Variants in LDAH observed in about 807,000 individuals in gnomAD.
LDAH encodes lipid droplet associated hydrolase, also known as lipid droplet-associated hydrolase.
Under a neutral mutation model 29.6 loss-of-function variants are expected in LDAH, and 26 were observed. The ratio of observed to expected loss-of-function variants is 0.88; its 90% CI spans 0.64 to 1.22. LDAH has a LOEUF of 1.22. Among genes scored for constraint, LDAH ranks in the 50% most tolerant of loss-of-function variants. LDAH has a pLI of 0.00. For missense variants in LDAH, 344 were observed against 387.3 expected, an observed-to-expected ratio of 0.89 and a Z score of 0.94; for synonymous variants, 117 against 133.0, an observed-to-expected ratio of 0.88 and a Z score of 0.83.
chr2:20,704,434 G>C (rs915488290), intron 5 of LDAH, among the ~76,000 whole-genome samples: 1 of 152,096 alleles, frequency 6.6e-6, no homozygotes, highest in African/African-American at 2.4e-5. Context: ...ACAGAGATTT[G>C]ATTAATACAT....
In LDAH at chr2:20,704,506, T is replaced by G. The variant is rs185424190; in HGVS notation, c.704-2854A>C. ...ATTAAAAATTATCCTGCAGAATATA[T>G]AATGTCAAATACATATTTAAAAATA... On this transcript the variant is annotated intron_variant, in intron 5 of 6. Coordinates refer to ENST00000237822, the MANE Select transcript of LDAH (RefSeq NM_021925.4). 2.6e-5 allele frequency among the ~76,000 whole-genome samples: 4 copies of G among 152,210 alleles called. No individual in the cohort carries two copies. In the South Asian group the frequency reaches 8.3e-4, roughly 32 times the overall value.
rs144380310 is a variant in LDAH at position 20,727,833 on chromosome 2, C to T, written c.703+12138G>A. On this transcript the variant is annotated intron_variant, in intron 5 of 6. Transcript: ENST00000237822. ...TCTTTAAAAATAACATTTAAAATAACCTAGTTAACAAAATGACATTGATGA... is the reference window on the plus strand; with the variant it reads ...TCTTTAAAAATAACATTTAAAATAATCTAGTTAACAAAATGACATTGATGA... Among the ~76,000 whole-genome samples, 329 of 152,188 alleles carry T rather than the reference C, an allele frequency of 2.2e-3. 1 individual carries two copies. The highest frequency in any genetic ancestry group is 7.6e-3 in the African/African-American group (315 of 41,516).
chr2:20,731,645 A>C (rs900378396), intron 5 of LDAH, among the ~76,000 whole-genome samples: 1 of 152,114 alleles, frequency 6.6e-6, no homozygotes, highest in Non-Finnish European at 1.5e-5. Flanking sequence ...ATAATTATGT[A>C]TATGTTTTTC....
At chr2:20,697,245 G>T (rs868599068) in intron 6 of LDAH, among the ~76,000 whole-genome samples, 1 of 152,104 alleles carries the variant, frequency 6.6e-6, no homozygotes, top group African/African-American at 2.4e-5. Flanking sequence ...CAGATACAAA[G>T]AAATAATCTT....
At chr2:20,728,306 G>GAA (rs1424196526) in intron 5 of LDAH, among the ~76,000 whole-genome samples, 2 of 152,190 alleles carry the variant, frequency 1.3e-5, no homozygotes, top group Non-Finnish European at 1.5e-5. Context: ...AAGCCACAGA[G>GAA]AAACAGGTCT....
chr2:20,784,054 C>G (rs1248607004), intron 3 of LDAH, among the ~76,000 whole-genome samples: 1 of 152,134 alleles, frequency 6.6e-6, no homozygotes, highest in Non-Finnish European at 1.5e-5. Context: ...TGGATCTCCC[C>G]CTACCACTCC....
chr2:20,712,842 AAG>A (rs1313504533), intron 5 of LDAH, among the ~76,000 whole-genome samples: 3 of 152,224 alleles, frequency 2.0e-5, no homozygotes, highest in African/African-American at 7.2e-5. Context: ...TAGAGAAAAA[AAG>A]AGTAAAAAGA....
At chr2:20,706,956 C>A (rs1397199209) in intron 5 of LDAH, among the ~76,000 whole-genome samples, 1 of 152,198 alleles carries the variant, frequency 6.6e-6, no homozygotes, top group African/African-American at 2.4e-5. Flanking sequence ...GATGCTTTGA[C>A]ATCTTGGAGG....
intron 5 of LDAH, among the ~76,000 whole-genome samples, chr2:20,734,897 G>T (rs980339958): frequency 3.3e-5 from 5 of 152,104 alleles, no homozygotes; most frequent in Non-Finnish European, 5.9e-5. Flanking sequence ...AGACACTTTT[G>T]CTAGATACAG....
chr2:20,769,898 T>C (rs1669287170), intron 4 of LDAH, among the ~76,000 whole-genome samples: 1 of 152,086 alleles, frequency 6.6e-6, no homozygotes, highest in African/African-American at 2.4e-5. Context: ...TTAGTAGCAA[T>C]AAATTAGAAG....
chr2:20,800,942 T>C (rs947183646), intron 2 of LDAH, among the ~76,000 whole-genome samples: 9 of 152,170 alleles, frequency 5.9e-5, no homozygotes, highest in East Asian at 1.9e-4. Context: ...AAATATTCTA[T>C]AATAAACATA....
At chr2:20,803,409 C>T (rs1166266497) in intron 1 of LDAH, among the ~76,000 whole-genome samples, 1 of 152,196 alleles carries the variant, frequency 6.6e-6, no homozygotes, top group Non-Finnish European at 1.5e-5. Flanking sequence ...CAGCCAGCCA[C>T]CTGACCTTTG....
In LDAH at chr2:20,687,132, G is replaced by A. The variant is rs564157488; in HGVS notation, c.787-38C>T. The A allele has an allele frequency of 1.5e-5, 23 of 1,552,430 alleles. No homozygotes were observed. In the East Asian group the frequency reaches 3.8e-4, roughly 26 times the overall value. On this transcript the variant is annotated intron_variant, in intron 6 of 6. Coordinates refer to ENST00000237822, the MANE Select transcript of LDAH (RefSeq NM_021925.4). ...ACAAAAACCTTTTATTAGAAAACAC[G>A]TTCCCTTCCTGACACAGATATGACA... is the stretch of plus-strand genomic sequence containing the variant.
At chr2:20,689,088 G>C (rs374165908) in intron 6 of LDAH, among the ~76,000 whole-genome samples, 2 of 151,758 alleles carry the variant, frequency 1.3e-5, no homozygotes, top group South Asian at 4.2e-4. Flanking sequence ...AACATGCCAT[G>C]TCTGGTTTTC....
intron 1 of LDAH, among the ~76,000 whole-genome samples, chr2:20,809,805 G>A (rs534971515): frequency 2.0e-5 from 3 of 152,170 alleles, no homozygotes; most frequent in Non-Finnish European, 4.4e-5. Context: ...TCAGGGAGGA[G>A]ACTGATTTGC....
At chr2:20,708,390 C>T (rs940579388) in intron 5 of LDAH, among the ~76,000 whole-genome samples, 4 of 152,140 alleles carry the variant, frequency 2.6e-5, no homozygotes, top group Non-Finnish European at 5.9e-5. Flanking sequence ...CTCCAAATAA[C>T]AAAACTGTGT....
intron 4 of LDAH, among the ~76,000 whole-genome samples, chr2:20,746,002 G>A (rs4971547): frequency 0.19 from 28,702 of 152,042 alleles, 3,023 homozygotes; most frequent in Admixed American, 0.25. Flanking sequence ...GGAGAGGGAA[G>A]AGCATGTGCA....
intron 3 of LDAH, among the ~76,000 whole-genome samples, chr2:20,785,107 C>T (rs1670456651): frequency 6.6e-6 from 1 of 152,126 alleles, no homozygotes; most frequent in East Asian, 1.9e-4. Flanking sequence ...CAATTTGGAA[C>T]AAGAAAAATA....
intron 5 of LDAH, among the ~76,000 whole-genome samples, chr2:20,722,125 C>CA (rs1665690439): frequency 6.6e-6 from 1 of 152,054 alleles, no homozygotes; most frequent in Admixed American, 6.6e-5. Context: ...CCTGTAATCC[C>CA]AGCACTTTGG....
Sources: allele counts gnomAD v4.1 joint callset (sites outside exome capture counted in the v4.1 genomes callset), GRCh38; gene constraint gnomAD v4.1.1; transcripts MANE v1.5; gene names NCBI Gene and HGNC (gene_info 2026-07-23, HGNC 2026-07-21).